Variants in HMGCLL1 observed in about 807,000 individuals in gnomAD.
HMGCLL1 encodes the protein 3-hydroxy-3-methylglutaryl-CoA lyase like 1.
Under a neutral mutation model 39.1 loss-of-function variants are expected in HMGCLL1, and 36 were observed. That is an observed-to-expected ratio of 0.92 (90% CI 0.71 to 1.22). HMGCLL1 has a LOEUF of 1.22. HMGCLL1 is among the 50% of genes most tolerant of loss of function. HMGCLL1 has a pLI of 0.00. For missense variants in HMGCLL1, 451 were observed against 416.5 expected, an observed-to-expected ratio of 1.08 and a Z score of -0.72; for synonymous variants, 149 against 144.0, an observed-to-expected ratio of 1.03 and a Z score of -0.25.
At chr6:55,577,344 TAAA>T (rs35853188) in intron 1 of HMGCLL1, among the ~76,000 whole-genome samples, 1 of 146,096 alleles carries the variant, frequency 6.8e-6, no homozygotes, top group Non-Finnish European at 1.5e-5. Flanking sequence ...AGGGCTGGAC[TAAA>T]AAAAAAAAAA....
chr6:55,471,476 A>C lies in HMGCLL1; in HGVS notation c.795+23943T>G, dbSNP rs564077657. ...GTACACATGTGCACAAATCACCAAT[A>C]GTATGTGAGAGTTTCTGTAAGTCTA... On this transcript the variant is annotated intron_variant, in intron 7 of 8. Transcript: ENST00000274901. 3.3e-5 allele frequency among the ~76,000 whole-genome samples: 5 copies of C among 151,888 alleles called. No homozygotes were observed. In the East Asian group the frequency reaches 7.7e-4, roughly 23 times the overall value.
chr6:55,598,222 G>A, the HMGCLL1 span, among the ~76,000 whole-genome samples: 1 of 152,084 alleles, frequency 6.6e-6, no homozygotes, highest in African/African-American at 2.4e-5. Flanking sequence ...TACAGAACAT[G>A]TCCTGTATTT....
At chr6:55,627,931 CTA>C in the HMGCLL1 span, among the ~76,000 whole-genome samples, 1 of 1,062 alleles carries the variant, frequency 9.4e-4, no homozygotes, top group Admixed American at 0.017. Context: ...AATATATATA[CTA>C]TATATATAGT....
In HMGCLL1 at chr6:55,514,163, C is replaced by T. The variant is rs775733260; in HGVS notation, c.427G>A (p.Gly143Arg). Residue 143 changes from glycine (G) to arginine (R), a missense_variant, in exon 5 of 9, where the codon GGA (glycine) becomes AGA (arginine). Transcript: ENST00000274901. ...TTGCTAAAGGATTCAGATGCAGCTC[C>T]AAAAACTGATATCTCAGTAGCTCCA... Reference protein sequence around the residue: ...AAGATEISVFGAASESFSKKN... With the variant: ...AAGATEISVFRAASESFSKKN... 1.9e-6 allele frequency: 3 copies of T among 1,610,362 alleles called. No individual in the cohort carries two copies. The highest frequency in any genetic ancestry group is 4.5e-5 in the East Asian group (2 of 44,672).
chr6:55,443,124 G>C (rs1763675732), intron 7 of HMGCLL1, among the ~76,000 whole-genome samples: 1 of 149,380 alleles, frequency 6.7e-6, no homozygotes, highest in East Asian at 2.0e-4. Context: ...CTCTTATCCA[G>C]TGATTCTCAA....
the HMGCLL1 span, among the ~76,000 whole-genome samples, chr6:55,637,366 T>G: frequency 6.6e-6 from 1 of 152,142 alleles, no homozygotes; most frequent in East Asian, 1.9e-4. Flanking sequence ...CGGGTTACTT[T>G]TTATAATAAT....
chr6:55,585,697 AT>A, the HMGCLL1 span, among the ~76,000 whole-genome samples: 1 of 152,178 alleles, frequency 6.6e-6, no homozygotes, highest in South Asian at 2.1e-4. Flanking sequence ...AAATTCATCC[AT>A]TTTTAAGAAG....
At chr6:55,486,113 G>A (rs1403408292) in intron 7 of HMGCLL1, among the ~76,000 whole-genome samples, 4 of 148,628 alleles carry the variant, frequency 2.7e-5, no homozygotes, top group African/African-American at 7.4e-5. Flanking sequence ...GTGTGTGTGT[G>A]TATATATATA....
At chr6:55,498,091 G>A (rs1199064076) in intron 6 of HMGCLL1, among the ~76,000 whole-genome samples, 2 of 152,118 alleles carry the variant, frequency 1.3e-5, no homozygotes, top group Non-Finnish European at 2.9e-5. Context: ...TTAGGCGTTC[G>A]GGTACAGAAA....
intron 6 of HMGCLL1, among the ~76,000 whole-genome samples, chr6:55,496,365 C>A (rs1188930829): frequency 1.3e-5 from 2 of 152,054 alleles, no homozygotes; most frequent in African/African-American, 4.8e-5. Flanking sequence ...GTGCCATTCT[C>A]ATTCAAGAGA....
the HMGCLL1 span, among the ~76,000 whole-genome samples, chr6:55,595,141 T>C: frequency 6.6e-6 from 1 of 152,208 alleles, no homozygotes; most frequent in Non-Finnish European, 1.5e-5. Flanking sequence ...CCAACTACCA[T>C]GAAGGTTGTA....
chr6:55,605,611 C>G, the HMGCLL1 span, among the ~76,000 whole-genome samples: 3 of 152,186 alleles, frequency 2.0e-5, no homozygotes, highest in South Asian at 6.2e-4. Context: ...ATCCTAAAAA[C>G]TCATTTTCAT....
chr6:55,564,465 T>C (rs1771115016), intron 1 of HMGCLL1, among the ~76,000 whole-genome samples: 1 of 152,110 alleles, frequency 6.6e-6, no homozygotes, highest in African/African-American at 2.4e-5. Context: ...TATGTATACA[T>C]GTGCCATGTT....
chr6:55,551,305 G>T (rs747772125), intron 1 of HMGCLL1, among the ~76,000 whole-genome samples: 10 of 151,812 alleles, frequency 6.6e-5, no homozygotes, highest in Admixed American at 1.3e-4. Flanking sequence ...TGAGAAATAG[G>T]AGGACCGCAT....
At chr6:55,523,674 C>T (rs1309738022) in intron 3 of HMGCLL1, among the ~76,000 whole-genome samples, 4 of 151,850 alleles carry the variant, frequency 2.6e-5, no homozygotes, top group East Asian at 1.9e-4. Flanking sequence ...AGATATAGTA[C>T]ACAATTTTAC....
At chr6:55,516,830 G>T (rs1767766206) in intron 3 of HMGCLL1, among the ~76,000 whole-genome samples, 1 of 152,060 alleles carries the variant, frequency 6.6e-6, no homozygotes, top group Non-Finnish European at 1.5e-5. Flanking sequence ...CTTGTAAAAT[G>T]AGTTATTACA....
chr6:55,624,821 G>C, the HMGCLL1 span, among the ~76,000 whole-genome samples: 1,407 of 152,248 alleles, frequency 9.2e-3, 28 homozygotes, highest in African/African-American at 0.033. Context: ...CCAAGAAAGA[G>C]ACACAATGCC....
chr6:55,440,063 C>G (rs2127380556), intron 7 of HMGCLL1, among the ~76,000 whole-genome samples: 1 of 152,126 alleles, frequency 6.6e-6, no homozygotes, highest in East Asian at 1.9e-4. Flanking sequence ...ATTCAACTCA[C>G]CAAATCTTTA....
At chr6:55,567,428 A>G (rs1053011658) in intron 1 of HMGCLL1, among the ~76,000 whole-genome samples, 3 of 152,104 alleles carry the variant, frequency 2.0e-5, no homozygotes, top group Non-Finnish European at 4.4e-5. Flanking sequence ...AACTCCCATG[A>G]TTTTGCTCTG....
Sources: allele counts gnomAD v4.1 joint callset (sites outside exome capture counted in the v4.1 genomes callset), GRCh38; gene constraint gnomAD v4.1.1; transcripts MANE v1.5; gene names NCBI Gene and HGNC (gene_info 2026-07-23, HGNC 2026-07-21).